The following SKOR1 variants were observed in gnomAD, a reference collection of about 807,000 sequenced individuals.
SKOR1 encodes LBX1 corepressor 1.
A neutral mutation model predicts 72.4 loss-of-function variants in SKOR1; 38 were observed. The observed-to-expected ratio is 0.52, with a 90% CI of 0.40 to 0.69. SKOR1 has a LOEUF of 0.69. Ranked by LOEUF, SKOR1 falls within the 30% of genes least tolerant of loss-of-function variation. The pLI is 0.00. For missense variants in SKOR1, 1,320 were observed against 1,343.2 expected, an observed-to-expected ratio of 0.98 and a Z score of 0.27; for synonymous variants, 642 against 599.4, an observed-to-expected ratio of 1.07 and a Z score of -1.04.
Position 67,826,693 on chromosome 15 carries a change from G to T in SKOR1, c.865G>T (p.Gly289Cys). The change falls in exon 2 of 9, where the codon GGT becomes TGT. Residue 289 changes from glycine to cysteine, a missense_variant. Physicochemically the swap from Gly to Cys is radical, Grantham distance 159 (BLOSUM62 -3). Transcript: ENST00000380035. ...TFSLQGGGGG[G>C]ANGGSGGQGK... Reference sequence around the variant, plus strand: ...CTCCCTACAAGGAGGCGGCGGAGGCGGTGCCAATGGCGGGTCGGGTGGGCA... The same window carrying T: ...CTCCCTACAAGGAGGCGGCGGAGGCTGTGCCAATGGCGGGTCGGGTGGGCA... 1 of 1,568,640 alleles carries T rather than the reference G, an allele frequency of 6.4e-7. No individual in the cohort carries two copies.
At position 67,826,916 on chromosome 15, in the gene SKOR1, C is replaced by G. The variant is rs1296020222; in HGVS notation, c.1088C>G (p.Pro363Arg). 2.1e-5 allele frequency: 32 copies of G among 1,559,948 alleles called. No individual in the cohort carries two copies. Among genetic ancestry groups the G allele is most frequent in the Non-Finnish European group, 2.7e-5 (31 of 1,160,210 alleles). The change falls in exon 2 of 9, where the codon CCC becomes CGC. Residue 363 changes from proline to arginine, a missense_variant. By Grantham distance (103) the Pro-to-Arg change is moderately radical. Transcript: ENST00000380035. ...AGTGGCCCGGCGGGCCCAGGAGGGC[C>G]CGGTGGCGGCGCCGGCGTACGAAGC... is the stretch of plus-strand genomic sequence containing the variant. ...GASGPAGPGG[P>R]GGGAGVRSYP... is the part of the protein sequence containing the mutation.
chr15:67,827,546 C>T lies in SKOR1; in HGVS notation c.1718C>T (p.Pro573Leu), dbSNP rs1383786635. 1 of 1,519,616 alleles carries T rather than the reference C, an allele frequency of 6.6e-7. No homozygotes were observed. The highest frequency in any genetic ancestry group is 2.1e-5 in the Admixed American group (1 of 48,750). The allele number at this position is 1,519,616 out of a possible 1,614,324, so 94.1% of individuals were successfully genotyped here. Residue 573 changes from proline to leucine, a missense_variant, in exon 2 of 9, where the codon CCG (proline) becomes CTG (leucine). Coordinates refer to ENST00000380035, the MANE Select transcript of SKOR1 (RefSeq NM_001365915.1). The part of the protein sequence containing the change: ...DEDGTDEALP[P>L]PLAPLPPPPP... The stretch of plus-strand genomic sequence containing the variant: ...GACGGCACGGACGAGGCGCTGCCAC[C>T]GCCCCTGGCCCCGTTGCCCCCGCCG...
chr15:67,829,552 G>A (rs780672281), intron 3 of SKOR1, among the ~76,000 whole-genome samples: 10 of 152,190 alleles, frequency 6.6e-5, no homozygotes, highest in Non-Finnish European at 8.8e-5. Flanking sequence ...CGCCCGACAC[G>A]GCCTTCAAAT....
At position 67,832,975 on chromosome 15, in the gene SKOR1, T is replaced by G; in HGVS notation, c.2738-217T>G. 1.7e-6 allele frequency: 1 copy of G among 603,936 alleles called. No homozygotes were observed. The highest frequency in any genetic ancestry group is 2.8e-5 in the East Asian group (1 of 35,996). The allele number at this position is 603,936 out of a possible 1,614,324, so 37.4% of individuals were successfully genotyped here. ...CTGGGAAGTAATGCCTAAGTTTGCTTTAATTTTGGTTAGATCCATCTGCCT... is the reference window on the plus strand; with the variant it reads ...CTGGGAAGTAATGCCTAAGTTTGCTGTAATTTTGGTTAGATCCATCTGCCT... On this transcript the variant is annotated intron_variant, in intron 7 of 8. Coordinates refer to ENST00000380035, the MANE Select transcript of SKOR1 (RefSeq NM_001365915.1). The surrounding 1 kb of genome is among the most constrained non-coding windows in gnomAD (Gnocchi z 4.5).
chr15:67,826,423 C>T lies in SKOR1; in HGVS notation c.595C>T (p.Arg199Cys). The T allele has an allele frequency of 6.2e-7, 1 of 1,614,058 alleles. No individual in the cohort carries two copies. Among genetic ancestry groups the T allele is most frequent in the Non-Finnish European group, 8.5e-7 (1 of 1,180,026 alleles). ...CTCGCGTGGTAGCTTCATCCCTGCG[C>T]GTTACAACAGCTCTCGTGCCAAGTG... is the stretch of plus-strand genomic sequence containing the variant. ...WGSRGSFIPA[R>C]YNSSRAKCIK... is the part of the protein sequence containing the mutation. Residue 199 changes from arginine (R) to cysteine (C), a missense_variant, in exon 2 of 9, where the codon CGT becomes TGT. Physicochemically the swap from Arg to Cys is radical, Grantham distance 180. This residue lies in a region of SKOR1 where 101 missense variants were observed against 212.8 expected (regional missense o/e 0.47). Transcript: ENST00000380035.
Position 67,827,552 on chromosome 15 carries a change from T to C in SKOR1, c.1724T>C (p.Leu575Pro), listed in dbSNP as rs1312377213. Residue 575 changes from leucine to proline, a missense_variant, in exon 2 of 9, where the codon CTG becomes CCG. Physicochemically the swap from Leu to Pro is moderately conservative, Grantham distance 98. Coordinates refer to ENST00000380035, the MANE Select transcript of SKOR1 (RefSeq NM_001365915.1). ...DGTDEALPPPLAPLPPPPPPP... is the reference protein window; with the variant it reads ...DGTDEALPPPPAPLPPPPPPP... Reference sequence around the variant, plus strand: ...ACGGACGAGGCGCTGCCACCGCCCCTGGCCCCGTTGCCCCCGCCGCCCCCG... The same window carrying C: ...ACGGACGAGGCGCTGCCACCGCCCCCGGCCCCGTTGCCCCCGCCGCCCCCG... 5.3e-6 allele frequency: 8 copies of C among 1,517,976 alleles called. No individual in the cohort carries two copies. The highest frequency in any genetic ancestry group is 1.4e-5 in the African/African-American group (1 of 71,058). 94.0% of individuals were successfully genotyped at this position (1,517,976 alleles called of 1,614,324 possible). A position where few individuals can be genotyped will look rare whatever the true frequency, so the allele number is the denominator to read the frequency against.
rs2090951905 is a variant in SKOR1, at chr15:67,825,592, A to G, written c.-11A>G. 1 of 725,240 alleles carries G rather than the reference A, an allele frequency of 1.4e-6. No individual in the cohort carries two copies. Among genetic ancestry groups the G allele is most frequent in the East Asian group, 2.7e-5 (1 of 37,628 alleles). The allele number at this position is 725,240 out of a possible 1,614,324, so 44.9% of individuals were successfully genotyped here. Reference sequence around the variant, plus strand: ...CACGGATCTGGGCGCTGAAAAAGCCAGGATTTGGCAATGGCTTTGCTGTGT... The same window carrying G: ...CACGGATCTGGGCGCTGAAAAAGCCGGGATTTGGCAATGGCTTTGCTGTGT... On this transcript the variant is annotated 5_prime_UTR_variant, in exon 1 of 9. Transcript: ENST00000380035. This position sits in a 1 kb window ranked among gnomAD's most constrained non-coding sequence, Gnocchi z 5.6.
chr15:67,827,691 T>C lies in SKOR1; in HGVS notation c.1863T>C (p.Ala621=). ...SAREAYGAGP[A]RGPGPGAGSG... ...GGGAGGCGTACGGCGCGGGGCCTGC[T>C]CGGGGGCCGGGACCCGGCGCTGGGA... The change falls in exon 2 of 9, where the codon GCT becomes GCC. Residue 621 remains alanine (A), a synonymous_variant. Transcript: ENST00000380035. 3.3e-6 allele frequency: 5 copies of C among 1,535,522 alleles called. No individual in the cohort carries two copies. The highest frequency in any genetic ancestry group is 1.7e-4 in the Middle Eastern group (1 of 5,868).
In SKOR1 at chr15:67,826,692, C is replaced by A. The variant is rs750054288; in HGVS notation, c.864C>A (p.Gly288=). The change falls in exon 2 of 9, where the codon GGC becomes GGA. Residue 288 remains glycine (G), a synonymous_variant. Transcript: ENST00000380035. ...TCTCCCTACAAGGAGGCGGCGGAGG[C>A]GGTGCCAATGGCGGGTCGGGTGGGC... ...RTFSLQGGGG[G]GANGGSGGQG... 3 of 1,398,522 alleles carry A rather than the reference C, an allele frequency of 2.1e-6. No homozygotes were observed. In the South Asian group the frequency reaches 3.6e-5, roughly 17 times the overall value. The allele number at this position is 1,398,522 out of a possible 1,614,324, so 86.6% of individuals were successfully genotyped here. A position where few individuals can be genotyped will look rare whatever the true frequency, so the allele number is the denominator to read the frequency against.
At chr15:67,828,775 T>C (rs1010887732) in intron 2 of SKOR1, among the ~76,000 whole-genome samples, 7 of 152,118 alleles carry the variant, frequency 4.6e-5, no homozygotes, top group Admixed American at 6.5e-5. Context: ...CTGGAGTCGT[T>C]GGCCATTTTG....
Position 67,827,550 on chromosome 15 carries a change from C to G in SKOR1, c.1722C>G (p.Pro574=). 6.6e-7 allele frequency: 1 copy of G among 1,521,754 alleles called. No individual in the cohort carries two copies. The highest frequency in any genetic ancestry group is 8.8e-7 in the Non-Finnish European group (1 of 1,141,620). The allele number at this position is 1,521,754 out of a possible 1,614,324, so 94.3% of individuals were successfully genotyped here. Residue 574 remains proline, a synonymous_variant, in exon 2 of 9, where the codon CCC becomes CCG. Transcript: ENST00000380035. The part of the protein sequence containing the change: ...EDGTDEALPP[P]LAPLPPPPPP... ...GCACGGACGAGGCGCTGCCACCGCC[C>G]CTGGCCCCGTTGCCCCCGCCGCCCC...
In SKOR1 at chr15:67,827,172, G is replaced by C. The variant is rs781497740; in HGVS notation, c.1344G>C (p.Pro448=). The change falls in exon 2 of 9, where the codon CCG becomes CCC. Residue 448 remains proline (P), a synonymous_variant. Transcript: ENST00000380035. ...GCCCGGGAGCCAGCCACTTGCCCCC[G>C]GGGGCAGGGGCGGGCCCGGGCGGCG... ...AGGPGASHLP[P]GAGAGPGGGA... 55 of 1,350,356 alleles carry C rather than the reference G, an allele frequency of 4.1e-5. No individual in the cohort carries two copies. Among genetic ancestry groups the C allele is most frequent in the Non-Finnish European group, 5.1e-5 (54 of 1,062,070 alleles). The allele number at this position is 1,350,356 out of a possible 1,614,324, so 83.6% of individuals were successfully genotyped here.
chr15:67,831,915 G>A lies in SKOR1; in HGVS notation c.2588-359G>A, dbSNP rs1310583618. On this transcript the variant is annotated intron_variant, in intron 5 of 8. Transcript: ENST00000380035. ...AAGGGCGGCGGTGCGGGGGGGGGAGGTCGGGGCCGGGGCGGGGGCGGGGTC... is the reference window on the plus strand; with the variant it reads ...AAGGGCGGCGGTGCGGGGGGGGGAGATCGGGGCCGGGGCGGGGGCGGGGTC... Among the ~76,000 whole-genome samples the A allele has an allele frequency of 3.7e-5, 5 of 134,356 alleles. No individual in the cohort carries two copies. In the East Asian group the frequency reaches 1.1e-3, roughly 31 times the overall value. 88.1% of individuals were successfully genotyped at this position (134,356 alleles called of 152,430 possible). A position where few individuals can be genotyped will look rare whatever the true frequency, so the allele number is the denominator to read the frequency against.
At chr15:67,830,051 G>A (rs546773029) in intron 3 of SKOR1, 140 bp from the exon 4 acceptor site, 4 of 812,936 alleles carry the variant, frequency 4.9e-6, no homozygotes, top group Non-Finnish European at 7.9e-6. Flanking sequence ...CTCAGGGCGC[G>A]CTCCTGGGCG....
At position 67,826,874 on chromosome 15, in the gene SKOR1, G is replaced by T. The variant is rs1280733058; in HGVS notation, c.1046G>T (p.Gly349Val). The T allele has an allele frequency of 1.9e-6, 3 of 1,539,802 alleles. No homozygotes were observed. The highest frequency in any genetic ancestry group is 1.4e-5 in the African/African-American group (1 of 72,854). The change falls in exon 2 of 9, where the codon GGC (glycine) becomes GTC (valine). Residue 349 changes from glycine to valine, a missense_variant. Gly to Val is a moderately radical substitution (Grantham distance 109, BLOSUM62 -3). This residue lies in a region of SKOR1 where 1,099 missense variants were observed against 1,025.5 expected (regional missense o/e 1.07). Coordinates refer to ENST00000380035, the MANE Select transcript of SKOR1 (RefSeq NM_001365915.1). ...PPPPHPQRGL[G>V]LATGASGPAG... ...CCACCCCACCCGCAGCGCGGACTTG[G>T]CCTGGCGACTGGAGCTAGTGGCCCG...
Position 67,827,031 on chromosome 15 carries a change from G to C in SKOR1, c.1203G>C (p.Thr401=). 1 of 1,583,880 alleles carries C rather than the reference G, an allele frequency of 6.3e-7. No homozygotes were observed. Among genetic ancestry groups the C allele is most frequent in the Non-Finnish European group, 8.5e-7 (1 of 1,172,500 alleles). Residue 401 remains threonine, a synonymous_variant, in exon 2 of 9, where the codon ACG becomes ACC. Transcript: ENST00000380035. ...PLFPHPYGFP[T]AFGLCPKKDD... ...TCCCCCATCCTTACGGCTTCCCTAC[G>C]GCCTTCGGCCTATGCCCCAAAAAGG...
At position 67,833,895 on chromosome 15, in the gene SKOR1, T is replaced by C; in HGVS notation, c.*59T>C. On this transcript the variant is annotated 3_prime_UTR_variant, in exon 9 of 9. Transcript: ENST00000380035. This position sits in a 1 kb window ranked among gnomAD's most constrained non-coding sequence, Gnocchi z 6.0. ...CATGCTGCTCCTTGTAAATACCCGC[T>C]GCTGCGGTGGCCCTGAGCGAGGAAC... The C allele has an allele frequency of 1.3e-6, 2 of 1,540,550 alleles. No homozygotes were observed. Among genetic ancestry groups the C allele is most frequent in the South Asian group, 2.2e-5 (2 of 89,828 alleles).
chr15:67,828,514 G>T (rs900468763), intron 2 of SKOR1, among the ~76,000 whole-genome samples: 1 of 152,232 alleles, frequency 6.6e-6, no homozygotes, highest in Admixed American at 6.5e-5. Context: ...GCGCTCGCCC[G>T]GGTGGGCATC....
At position 67,828,081 on chromosome 15, in the gene SKOR1, C is replaced by A. The variant is rs1357594043; in HGVS notation, c.2253C>A (p.Ser751Arg). Residue 751 changes from serine (S) to arginine (R), a missense_variant, in exon 2 of 9, where the codon AGC (serine) becomes AGA (arginine). Transcript: ENST00000380035. ...GGAGACCTGAGAGGAGCCCGCCAAG[C>A]GGCGGCGGCGGCTACGAGCTGCGAG... The part of the protein sequence containing the change: ...LVRRPERSPP[S>R]GGGGYELREP... 6.8e-7 allele frequency: 1 copy of A among 1,474,576 alleles called. No individual in the cohort carries two copies. The highest frequency in any genetic ancestry group is 1.3e-5 in the South Asian group (1 of 75,668). The allele number at this position is 1,474,576 out of a possible 1,614,324, so 91.3% of individuals were successfully genotyped here.
Sources: gnomAD v4.1 joint callset for allele counts (sites outside exome capture counted in the v4.1 genomes callset) on GRCh38, gnomAD v4.1.1 for gene constraint, gnomAD v4.1.1 regional missense constraint, Gnocchi (gnomAD v3.1) non-coding constraint, MANE v1.5 for transcripts, NCBI Gene and HGNC (gene_info 2026-07-23, HGNC 2026-07-21) for gene names.